NTAN1: variants seen among roughly 807,000 people sequenced by gnomAD.
NTAN1 encodes the protein N-terminal asparagine amidase, also known as protein N-terminal asparagine amidohydrolase.
In NTAN1, 32 loss-of-function variants were observed where a neutral mutation model predicts 41.9. The ratio of observed to expected loss-of-function variants is 0.76; its 90% CI spans 0.58 to 1.03. NTAN1 has a LOEUF of 1.03. Among genes scored for constraint, NTAN1 ranks in the 50% least tolerant of loss-of-function variants. The pLI is 0.00. For missense variants in NTAN1, 377 were observed against 377.5 expected (o/e 1.00, Z 0.01); for synonymous variants, 140 against 139.5 (o/e 1.00, Z -0.03).
In NTAN1 at chr16:15,037,969, G is replaced by A. The variant is rs565842562; in HGVS notation, c.*62C>T. ...AGATGTAGGATCCAGATCTGGATTC[G>A]TGCCAGCCCCACCAATGGTCTGTCA... On this transcript the variant is annotated 3_prime_UTR_variant, in exon 10 of 10. Transcript: ENST00000287706. The A allele has an allele frequency of 2.3e-5, 29 of 1,271,514 alleles. No homozygotes were observed. The highest frequency in any genetic ancestry group is 1.5e-4 in the African/African-American group (10 of 67,764). The allele number at this position is 1,271,514 out of a possible 1,614,324, so 78.8% of individuals were successfully genotyped here. A position where few individuals can be genotyped will look rare whatever the true frequency, so the allele number is the denominator to read the frequency against.
chr16:15,039,898 A>G, intron 8 of NTAN1, 71 bp downstream of exon 8: 1 of 872,918 alleles, frequency 1.1e-6, no homozygotes, highest in Middle Eastern at 2.4e-4. Flanking sequence ...CTAAGATCCC[A>G]AAAACTTAAG....
At chr16:15,040,930 A>G (rs1470053227) in intron 7 of NTAN1, 138 bp downstream of exon 7, 2 of 690,310 alleles carry the variant, frequency 2.9e-6, no homozygotes, top group Non-Finnish European at 5.3e-6. Flanking sequence ...AAGGCCTCAC[A>G]GCAGATGTTC....
chr16:15,040,208 C>T (rs2043749966), intron 7 of NTAN1, 142 bp from the exon 8 acceptor site: 1 of 454,746 alleles, frequency 2.2e-6, no homozygotes, highest in East Asian at 3.3e-5. Context: ...CTTCCCCCTC[C>T]CTGGAGGGGG....
rs2043600847 is a variant in NTAN1, at chr16:15,038,017, G to GTAAT, written c.*10_*13dup. ...TCAGGCCAAGAAGGTGCTTTCTTTG[G>GTAAT]TAATTCATGTTTTTTAACTTCCTGG... On this transcript the variant is annotated 3_prime_UTR_variant, in exon 10 of 10. Coordinates refer to ENST00000287706, the MANE Select transcript of NTAN1 (RefSeq NM_173474.4). 1 of 1,603,316 alleles carries GTAAT rather than the reference G, an allele frequency of 6.2e-7. No homozygotes were observed. The highest frequency in any genetic ancestry group is 2.2e-5 in the East Asian group (1 of 44,834).
rs1040016171 is a variant in NTAN1, at chr16:15,041,542, G to A, written c.487+81C>T. The A allele has an allele frequency of 3.3e-6, 3 of 922,710 alleles. No individual in the cohort carries two copies. The African/African-American group carries it at 4.9e-5, about 15-fold the overall frequency. The allele number at this position is 922,710 out of a possible 1,614,324, so 57.2% of individuals were successfully genotyped here. On this transcript the variant is annotated intron_variant, in intron 6 of 9. Transcript: ENST00000287706. Reference sequence around the variant, plus strand: ...CAAGCAGTGACAGCAGTGTGTGCCGGTGCTTGGGCCCACTGCAAGACTGGG... The same window carrying A: ...CAAGCAGTGACAGCAGTGTGTGCCGATGCTTGGGCCCACTGCAAGACTGGG...
chr16:15,045,517 T>G (rs2044022994), intron 4 of NTAN1: 1 of 151,408 alleles, frequency 6.6e-6, no homozygotes, highest in Admixed American at 6.6e-5. Flanking sequence ...TATACCTCTA[T>G]TCCCAGCTAC....
intron 5 of NTAN1, 26 bp from the exon 6 acceptor site, chr16:15,041,702 A>G: frequency 6.4e-7 from 1 of 1,558,176 alleles, no homozygotes; most frequent in Non-Finnish European, 8.9e-7. Flanking sequence ...TAAGACCAGA[A>G]GTCAGAAAAG....
Position 15,038,046 on chromosome 16 carries a change from A to G in NTAN1, c.918T>C (p.Ser306=), listed in dbSNP as rs62039479. 2.5e-4 allele frequency: 406 copies of G among 1,611,860 alleles called. No individual in the cohort carries two copies. Among genetic ancestry groups the G allele is most frequent in the Non-Finnish European group, 3.2e-4 (376 of 1,179,200 alleles). Residue 306 remains serine (S), a synonymous_variant, in exon 10 of 10, where the codon TCT becomes TCC. Coordinates refer to ENST00000287706, the MANE Select transcript of NTAN1 (RefSeq NM_173474.4). ...KNEDGLWEKI[S]SPGS is the part of the protein sequence containing the mutation. ...TTCATGTTTTTTAACTTCCTGGAGA[A>G]GAGATCTTTTCCCACAAGCCATCTT...
chr16:15,048,699 C>T (rs1031105549), intron 1 of NTAN1, among the ~76,000 whole-genome samples: 14 of 152,310 alleles, frequency 9.2e-5, no homozygotes, highest in African/African-American at 3.4e-4. Flanking sequence ...TTTCAACTCA[C>T]TGCAGCCTCC....
chr16:15,040,315 A>G (rs535440669), intron 7 of NTAN1: 16 of 393,734 alleles, frequency 4.1e-5, no homozygotes, highest in Admixed American at 1.3e-4. Flanking sequence ...TGCTTTCCAC[A>G]TGGGAGGCAG....
intron 5 of NTAN1, among the ~76,000 whole-genome samples, chr16:15,043,279 A>T (rs1597774455): frequency 2.0e-5 from 3 of 149,398 alleles, no homozygotes; most frequent in Admixed American, 2.0e-4. Context: ...TAGGTGATCC[A>T]CCTGCCTTGG....
chr16:15,042,718 C>CTATTTATTTTT (rs2043872142), intron 5 of NTAN1, among the ~76,000 whole-genome samples: 1 of 147,004 alleles, frequency 6.8e-6, no homozygotes, highest in East Asian at 2.0e-4. Flanking sequence ...AAAGGATGAA[C>CTATTTATTTTT]TATTTATTTA....
At chr16:15,041,540 C>A (rs572586323) in intron 6 of NTAN1, 83 bp downstream of exon 6, 16 of 902,936 alleles carry the variant, frequency 1.8e-5, no homozygotes, top group African/African-American at 1.5e-4. Flanking sequence ...CAGTGTGTGC[C>A]GGTGCTTGGG....
At chr16:15,049,442 T>TTG (rs1180918187) in intron 1 of NTAN1, among the ~76,000 whole-genome samples, 2 of 152,006 alleles carry the variant, frequency 1.3e-5, no homozygotes, top group Non-Finnish European at 2.9e-5. Context: ...TTATTTTTTT[T>TTG]TTTTGAGACA....
intron 1 of NTAN1, among the ~76,000 whole-genome samples, chr16:15,049,566 T>C (rs1351753875): frequency 1.3e-5 from 2 of 152,072 alleles, no homozygotes. Flanking sequence ...GTAGCTGGGA[T>C]TACAGGTGTG....
rs1465741735 is a variant in NTAN1 at position 15,037,971 on chromosome 16, G to T, written c.*60C>A. On this transcript the variant is annotated 3_prime_UTR_variant, in exon 10 of 10. Transcript: ENST00000287706. ...ATGTAGGATCCAGATCTGGATTCGT[G>T]CCAGCCCCACCAATGGTCTGTCAGG... 2 of 1,307,300 alleles carry T rather than the reference G, an allele frequency of 1.5e-6. No homozygotes were observed. Among genetic ancestry groups the T allele is most frequent in the Non-Finnish European group, 2.2e-6 (2 of 917,840 alleles). The allele number at this position is 1,307,300 out of a possible 1,614,324, so 81.0% of individuals were successfully genotyped here. A position where few individuals can be genotyped will look rare whatever the true frequency, so the allele number is the denominator to read the frequency against.
At position 15,037,951 on chromosome 16, in the gene NTAN1, GGATCCA is replaced by G. The variant is rs2043592774; in HGVS notation, c.*74_*79del. 2.0e-6 allele frequency: 2 copies of G among 992,310 alleles called. No homozygotes were observed. The highest frequency in any genetic ancestry group is 1.6e-5 in the African/African-American group (1 of 61,984). 61.5% of individuals were successfully genotyped at this position (992,310 alleles called of 1,614,324 possible). On this transcript the variant is annotated 3_prime_UTR_variant, in exon 10 of 10. Coordinates refer to ENST00000287706, the MANE Select transcript of NTAN1 (RefSeq NM_173474.4). Reference sequence around the variant, plus strand: ...GGAGGCCTAAGACCCAACAGATGTAGGATCCAGATCTGGATTCGTGCCAGCCCCACC... The same window carrying G: ...GGAGGCCTAAGACCCAACAGATGTAGGATCTGGATTCGTGCCAGCCCCACC...
intron 5 of NTAN1, among the ~76,000 whole-genome samples, chr16:15,043,036 G>A (rs2043893242): frequency 6.6e-6 from 1 of 152,148 alleles, no homozygotes; most frequent in African/African-American, 2.4e-5. Context: ...AAGTAGCTGG[G>A]ATTACAGGCA....
intron 1 of NTAN1, among the ~76,000 whole-genome samples, chr16:15,052,996 G>A (rs1336938400): frequency 6.6e-6 from 1 of 152,164 alleles, no homozygotes; most frequent in Non-Finnish European, 1.5e-5. Flanking sequence ...CTGGCCAAAG[G>A]AACTTCATGC....
Sources: allele counts gnomAD v4.1 joint callset (sites outside exome capture counted in the v4.1 genomes callset), GRCh38; gene constraint gnomAD v4.1.1; transcripts MANE v1.5; gene names NCBI Gene and HGNC (gene_info 2026-07-23, HGNC 2026-07-21).